Variants in CDC73 observed in about 807,000 individuals in gnomAD.
CDC73 encodes the protein parafibromin.
CDC73 carries 21 observed loss-of-function variants against 83.7 expected under a neutral mutation model. The observed-to-expected ratio is 0.25, with a 90% CI of 0.18 to 0.36. The LOEUF is 0.36. CDC73 is among the 10% of genes least tolerant of loss of function. CDC73 has a pLI of 1.00. For missense variants in CDC73, 342 were observed against 653.3 expected, an observed-to-expected ratio of 0.52 and a Z score of 5.19; for synonymous variants, 224 against 212.9, an observed-to-expected ratio of 1.05 and a Z score of -0.45.
intron 9 of CDC73, among the ~76,000 whole-genome samples, chr1:193,150,726 A>C (rs1026460493): frequency 2.6e-5 from 4 of 152,196 alleles, no homozygotes; most frequent in Non-Finnish European, 4.4e-5. Context: ...CTTATGTCGT[A>C]GTAACTTTTT....
chr1:193,139,574 A>G (rs1675865769), intron 6 of CDC73, among the ~76,000 whole-genome samples: 1 of 151,954 alleles, frequency 6.6e-6, no homozygotes, highest in African/African-American at 2.4e-5. Context: ...GCTTTATTAC[A>G]TGTCTGCTTT....
intron 13 of CDC73, among the ~76,000 whole-genome samples, chr1:193,224,719 A>C (rs1273577229): frequency 6.6e-6 from 1 of 152,198 alleles, no homozygotes; most frequent in East Asian, 1.9e-4. Context: ...ATAATTTCCA[A>C]ATGGTGGTCT....
At chr1:193,215,236 G>C (rs561904439) in intron 13 of CDC73, among the ~76,000 whole-genome samples, 4 of 152,282 alleles carry the variant, frequency 2.6e-5, no homozygotes, top group African/African-American at 9.6e-5. Context: ...TAGTGAGAAT[G>C]TATATAATAG....
At position 193,161,635 on chromosome 1, in the gene CDC73, ATATAT is replaced by A. The variant is rs1447393056; in HGVS notation, c.972+9197_972+9201del. Among the ~76,000 whole-genome samples the A allele has an allele frequency of 1.9e-3, 18 of 9,534 alleles. 7 individuals carry two copies. Among genetic ancestry groups the A allele is most frequent in the Non-Finnish European group, 3.8e-3 (17 of 4,520 alleles). The allele number at this position is 9,534 out of a possible 152,430, so 6.3% of individuals were successfully genotyped here. ...ATATATATTATATGATAGATATATA[ATATAT>A]TATATAATATATAATATATTATATA... On this transcript the variant is annotated intron_variant, in intron 10 of 16. Transcript: ENST00000367435.
chr1:193,225,245 G>T (rs1419008063), intron 13 of CDC73, among the ~76,000 whole-genome samples: 6 of 143,558 alleles, frequency 4.2e-5, no homozygotes, highest in African/African-American at 7.7e-5. Flanking sequence ...AGTATTCCAT[G>T]ATATATATAT....
At chr1:193,242,393 C>G (rs1416666339) in intron 15 of CDC73, among the ~76,000 whole-genome samples, 1 of 152,176 alleles carries the variant, frequency 6.6e-6, no homozygotes, top group Non-Finnish European at 1.5e-5. Flanking sequence ...CATTAGGGGT[C>G]TCTCACCCTT....
chr1:193,223,809 A>AT (rs893887020), intron 13 of CDC73, among the ~76,000 whole-genome samples: 1 of 149,576 alleles, frequency 6.7e-6, no homozygotes, highest in Non-Finnish European at 1.5e-5. Context: ...TGGTCTAAGT[A>AT]TTTTTTATAC....
chr1:193,232,205 G>T (rs1233662968), intron 13 of CDC73, among the ~76,000 whole-genome samples: 2 of 151,460 alleles, frequency 1.3e-5, no homozygotes, highest in Non-Finnish European at 1.5e-5. Context: ...AAGTTTGATG[G>T]TATTTTTGTA....
intron 10 of CDC73, among the ~76,000 whole-genome samples, chr1:193,192,232 T>C (rs1414281262): frequency 6.6e-6 from 1 of 152,116 alleles, no homozygotes; most frequent in Non-Finnish European, 1.5e-5. Flanking sequence ...CACCTGAGAT[T>C]GTGAGTTCAA....
intron 10 of CDC73, among the ~76,000 whole-genome samples, chr1:193,163,774 A>G (rs1323268849): frequency 2.0e-5 from 3 of 151,980 alleles, no homozygotes; most frequent in South Asian, 2.1e-4. Flanking sequence ...AGGCTATAGT[A>G]TAGTAGATTT....
intron 10 of CDC73, among the ~76,000 whole-genome samples, chr1:193,197,661 C>T (rs567708883): frequency 7.2e-4 from 110 of 152,154 alleles, no homozygotes; most frequent in African/African-American, 2.4e-3. Context: ...TGCGGTGGCT[C>T]GTGCCTGTAA....
chr1:193,245,386 T>C lies in CDC73; in HGVS notation c.1418-4344T>C, dbSNP rs534993368. On this transcript the variant is annotated intron_variant, in intron 15 of 16. Transcript: ENST00000367435. ...AGAGAACTTGTGGTGTTTAACTTTA[T>C]GTTTCTGGCTTGTTTCACTTAACAT... Among the ~76,000 whole-genome samples the C allele has an allele frequency of 2.0e-4, 30 of 152,354 alleles. No individual in the cohort carries two copies. In the South Asian group the frequency reaches 6.0e-3, roughly 30 times the overall value.
At chr1:193,160,022 A>G (rs999968708) in intron 10 of CDC73, among the ~76,000 whole-genome samples, 1 of 152,172 alleles carries the variant, frequency 6.6e-6, no homozygotes, top group African/African-American at 2.4e-5. Flanking sequence ...GGTTTAGTTT[A>G]TATATCTTAA....
intron 9 of CDC73, among the ~76,000 whole-genome samples, chr1:193,151,515 A>G (rs371174372): frequency 8.5e-5 from 13 of 152,348 alleles, no homozygotes; most frequent in East Asian, 5.8e-4. Context: ...AGAATTGGGC[A>G]GTTGTGACAG....
intron 10 of CDC73, chr1:193,180,121 A>G (rs1676686838): frequency 1.8e-6 from 1 of 554,612 alleles, no homozygotes; most frequent in South Asian, 4.6e-5. Flanking sequence ...CTTTTTTGTT[A>G]TATAATGTTA....
chr1:193,196,454 T>C (rs1490394253), intron 10 of CDC73, among the ~76,000 whole-genome samples: 1 of 152,206 alleles, frequency 6.6e-6, no homozygotes, highest in Non-Finnish European at 1.5e-5. Context: ...TGGCTAAGTA[T>C]TTGAGGTCCC....
At chr1:193,184,694 A>G (rs1676775865) in intron 10 of CDC73, among the ~76,000 whole-genome samples, 1 of 151,960 alleles carries the variant, frequency 6.6e-6, no homozygotes, top group Non-Finnish European at 1.5e-5. Context: ...TGACTTCAAT[A>G]TTGAGAGATT....
At chr1:193,152,270 G>A (rs964459560) in intron 9 of CDC73, 110 bp from the exon 10 acceptor site, 3 of 733,014 alleles carry the variant, frequency 4.1e-6, no homozygotes, top group Non-Finnish European at 2.4e-6. Context: ...TCAAGGCTTT[G>A]TATATTATTG....
chr1:193,232,744 T>TA (rs1677682041), intron 13 of CDC73, among the ~76,000 whole-genome samples: 1 of 151,614 alleles, frequency 6.6e-6, no homozygotes, highest in Non-Finnish European at 1.5e-5. Context: ...CTACTAAAAA[T>TA]ACAAAAAAAT....
Sources: gnomAD v4.1 joint callset for allele counts (sites outside exome capture counted in the v4.1 genomes callset) on GRCh38, gnomAD v4.1.1 for gene constraint, MANE v1.5 for transcripts, NCBI Gene and HGNC (gene_info 2026-07-23, HGNC 2026-07-21) for gene names.